Variants in IRAK1BP1 observed in about 807,000 individuals in gnomAD.
IRAK1BP1 encodes the protein interleukin-1 receptor-associated kinase 1-binding protein 1.
IRAK1BP1 carries 24 observed loss-of-function variants against 28.0 expected under a neutral mutation model. The observed-to-expected ratio is 0.86, with a 90% CI of 0.62 to 1.20. The LOEUF (loss-of-function observed/expected upper bound fraction) is 1.20. IRAK1BP1 is among the 50% of genes most tolerant of loss of function. The pLI is 0.00. For missense variants in IRAK1BP1, 336 were observed against 316.7 expected, an observed-to-expected ratio of 1.06 and a Z score of -0.46; for synonymous variants, 131 against 116.3, an observed-to-expected ratio of 1.13 and a Z score of -0.81.
chr6:78,978,860 T>C, the IRAK1BP1 span: 1 of 528,470 alleles, frequency 1.9e-6, no homozygotes, highest in Non-Finnish European at 3.0e-6. Flanking sequence ...TGTGTATCCA[T>C]GGGTTCCACA....
intron 4 of IRAK1BP1, among the ~76,000 whole-genome samples, chr6:78,928,208 T>A (rs10755377): frequency 6.6e-6 from 1 of 151,946 alleles, no homozygotes; most frequent in Non-Finnish European, 1.5e-5. Context: ...CAGTGTTTTA[T>A]AGTTTTCATT....
chr6:78,888,930 C>T (rs1224032692), intron 2 of IRAK1BP1, among the ~76,000 whole-genome samples: 1 of 151,526 alleles, frequency 6.6e-6, no homozygotes, highest in Non-Finnish European at 1.5e-5. Context: ...CCAACCTGGG[C>T]AACATGGTAA....
chr6:78,958,870 A>G, the IRAK1BP1 span, among the ~76,000 whole-genome samples: 5 of 152,202 alleles, frequency 3.3e-5, no homozygotes, highest in South Asian at 1.0e-3. Context: ...GAGAACGTCT[A>G]TATGGGGAGT....
intron 2 of IRAK1BP1, among the ~76,000 whole-genome samples, chr6:78,885,815 C>T (rs1771411749): frequency 6.6e-6 from 1 of 152,070 alleles, no homozygotes; most frequent in Admixed American, 6.5e-5. Flanking sequence ...TTTTTCAGTG[C>T]AATTTTACTG....
At chr6:78,964,780 C>A in the IRAK1BP1 span, among the ~76,000 whole-genome samples, 1 of 152,118 alleles carries the variant, frequency 6.6e-6, no homozygotes, top group Non-Finnish European at 1.5e-5. Context: ...TGTGAGCCAC[C>A]ACTCCTGCCC....
intron 4 of IRAK1BP1, among the ~76,000 whole-genome samples, chr6:78,928,409 TTG>T (rs1048352981): frequency 6.6e-6 from 1 of 151,944 alleles, no homozygotes; most frequent in African/African-American, 2.4e-5. Context: ...TTAATAGTTT[TTG>T]TGTGTGTGTG....
chr6:78,891,662 A>T (rs1168048727), intron 2 of IRAK1BP1, among the ~76,000 whole-genome samples: 1 of 151,992 alleles, frequency 6.6e-6, no homozygotes, highest in Non-Finnish European at 1.5e-5. Flanking sequence ...GGTTTTCACC[A>T]TGTTGGCCGG....
chr6:78,889,447 C>T (rs1771551647), intron 2 of IRAK1BP1, among the ~76,000 whole-genome samples: 1 of 151,898 alleles, frequency 6.6e-6, no homozygotes, highest in South Asian at 2.1e-4. Flanking sequence ...AACTAAAGAG[C>T]TTCTGCACAG....
the IRAK1BP1 span, among the ~76,000 whole-genome samples, chr6:78,954,246 C>G: frequency 6.6e-6 from 1 of 150,450 alleles, no homozygotes; most frequent in Non-Finnish European, 1.5e-5. Flanking sequence ...GGACTACAGG[C>G]ACCCGCCCAC....
the IRAK1BP1 span, among the ~76,000 whole-genome samples, chr6:78,976,595 A>G: frequency 3.5e-5 from 5 of 141,674 alleles, no homozygotes; most frequent in Admixed American, 1.4e-4. Context: ...GGCAACCTAC[A>G]AAATGGGAGA....
chr6:78,892,191 G>A (rs538690606), intron 2 of IRAK1BP1, among the ~76,000 whole-genome samples: 2 of 151,906 alleles, frequency 1.3e-5, no homozygotes, highest in Admixed American at 6.6e-5. Context: ...ACCCTGTTTG[G>A]CCATTTCTTA....
intron 4 of IRAK1BP1, among the ~76,000 whole-genome samples, chr6:78,926,396 A>C (rs910479546): frequency 2.6e-5 from 4 of 152,082 alleles, no homozygotes; most frequent in African/African-American, 9.7e-5. Flanking sequence ...GTTTGTTTTA[A>C]ATTTTTTATT....
chr6:78,966,126 T>C, the IRAK1BP1 span: 2 of 968,042 alleles, frequency 2.1e-6, no homozygotes, highest in Non-Finnish European at 3.4e-6. Flanking sequence ...TTCCTAACGT[T>C]AACCTTTAAG....
the IRAK1BP1 span, among the ~76,000 whole-genome samples, chr6:78,976,383 ATTAAAGAC>A: frequency 7.5e-6 from 1 of 133,038 alleles, no homozygotes; most frequent in Admixed American, 7.8e-5. Context: ...TTCAAGATGG[ATTAAAGAC>A]TTAAACGTTA....
intron 4 of IRAK1BP1, among the ~76,000 whole-genome samples, chr6:78,921,382 C>T (rs1259904899): frequency 3.3e-5 from 5 of 152,210 alleles, no homozygotes; most frequent in African/African-American, 4.8e-5. Flanking sequence ...GGGGGAGGGG[C>T]GCCCATCATT....
intron 1 of IRAK1BP1, 109 bp downstream of exon 1, chr6:78,868,000 A>G: frequency 8.2e-7 from 1 of 1,215,800 alleles, no homozygotes. Context: ...GAGGGTCTGG[A>G]GCGTTTAGGA....
rs558288799 is a variant in IRAK1BP1, at chr6:78,870,057, T to C, written c.315+2166T>C. On this transcript the variant is annotated intron_variant, in intron 1 of 3. Coordinates refer to ENST00000369940, the MANE Select transcript of IRAK1BP1 (RefSeq NM_001010844.4). ...CCAGGAGGCGGAGGTTGCAGTCAGC[T>C]GAGTTCGTGCCATTGCACTCCAGCC... is the stretch of plus-strand genomic sequence containing the variant. Among the ~76,000 whole-genome samples the C allele has an allele frequency of 3.5e-3, 447 of 128,176 alleles. 3 individuals carry two copies. The highest frequency in any genetic ancestry group is 0.013 in the African/African-American group (417 of 33,202). 84.1% of individuals were successfully genotyped at this position (128,176 alleles called of 152,430 possible).
chr6:78,887,796 G>A (rs941336365), intron 2 of IRAK1BP1, among the ~76,000 whole-genome samples: 4 of 152,096 alleles, frequency 2.6e-5, no homozygotes, highest in African/African-American at 4.8e-5. Context: ...ACAGTATACA[G>A]GTTCCTCAAA....
At chr6:78,937,704 C>G (rs1437889149) in intron 4 of IRAK1BP1, 2 of 151,594 alleles carry the variant, frequency 1.3e-5, no homozygotes, top group Admixed American at 6.6e-5. Context: ...ATAATACATG[C>G]AGAAAATAGT....
Sources: gnomAD v4.1 joint callset for allele counts (sites outside exome capture counted in the v4.1 genomes callset) on GRCh38, gnomAD v4.1.1 for gene constraint, MANE v1.5 for transcripts, NCBI Gene and HGNC (gene_info 2026-07-23, HGNC 2026-07-21) for gene names.